AGBL4: variants seen among roughly 807,000 people sequenced by gnomAD.
AGBL4 encodes the protein cytosolic carboxypeptidase 6.
In AGBL4, 58 loss-of-function variants were observed where a neutral mutation model predicts 66.4. The observed-to-expected ratio is 0.87, with a 90% CI of 0.71 to 1.09. The LOEUF is 1.09. Among genes scored for constraint, AGBL4 ranks in the 50% least tolerant of loss-of-function variants. AGBL4 has a pLI of 0.00. For missense variants in AGBL4, 579 were observed against 631.0 expected (o/e 0.92, Z 0.88); for synonymous variants, 234 against 222.9 (o/e 1.05, Z -0.44).
At chr1:48,859,978 A>G (rs1157930727) in intron 6 of AGBL4, among the ~76,000 whole-genome samples, 1 of 152,250 alleles carries the variant, frequency 6.6e-6, no homozygotes, top group African/African-American at 2.4e-5. Context: ...AGAATATTAA[A>G]TAATATTGGA....
rs1200402158 is a variant in AGBL4, at chr1:49,059,583, A to G, written c.378-13783T>C. ...TGAGAAGAGGGCCACCATCCTCCAGACTCCAGAATGGTACATCCACTGACA... is the reference window on the plus strand; with the variant it reads ...TGAGAAGAGGGCCACCATCCTCCAGGCTCCAGAATGGTACATCCACTGACA... On this transcript the variant is annotated intron_variant, in intron 4 of 13. Transcript: ENST00000371839. Among the ~76,000 whole-genome samples the G allele has an allele frequency of 2.0e-5, 3 of 152,092 alleles. No homozygotes were observed. In the East Asian group the frequency reaches 5.8e-4, roughly 29 times the overall value.
At chr1:48,565,680 C>T (rs942860467) in intron 11 of AGBL4, among the ~76,000 whole-genome samples, 1 of 152,210 alleles carries the variant, frequency 6.6e-6, no homozygotes, top group Non-Finnish European at 1.5e-5. Flanking sequence ...TGACCCTCCA[C>T]ATCTACCAGC....
chr1:49,332,277 C>G (rs1235205039), intron 3 of AGBL4, among the ~76,000 whole-genome samples: 2 of 151,986 alleles, frequency 1.3e-5, no homozygotes, highest in African/African-American at 4.8e-5. Flanking sequence ...ATACAACTTA[C>G]CAAAACAGAT....
Position 48,866,218 on chromosome 1 carries a change from G to A in AGBL4, c.634+973C>T, listed in dbSNP as rs1648069462. ...TTTGAAAGTGAGGCACTGGCCCATG[G>A]ATACAGCATGGTAGGCTTTGTGGAG... On this transcript the variant is annotated intron_variant, in intron 6 of 13. Coordinates refer to ENST00000371839, the MANE Select transcript of AGBL4 (RefSeq NM_032785.4). Among the ~76,000 whole-genome samples, 7 of 152,272 alleles carry A rather than the reference G, an allele frequency of 4.6e-5. No individual in the cohort carries two copies. In the South Asian group the frequency reaches 1.2e-3, roughly 27 times the overall value.
At chr1:48,604,360 G>A (rs527991996) in intron 9 of AGBL4, among the ~76,000 whole-genome samples, 187 of 152,192 alleles carry the variant, frequency 1.2e-3, no homozygotes, top group African/African-American at 4.3e-3. Flanking sequence ...TCCTTGGTAC[G>A]TGTTCCCAGT....
intron 3 of AGBL4, among the ~76,000 whole-genome samples, chr1:49,433,232 G>A (rs1285175355): frequency 6.6e-6 from 1 of 152,186 alleles, no homozygotes; most frequent in Non-Finnish European, 1.5e-5. Flanking sequence ...CCCAAAGAGA[G>A]GGTCATCATG....
At chr1:49,918,332 C>G (rs1651799337) in intron 1 of AGBL4, among the ~76,000 whole-genome samples, 1 of 152,086 alleles carries the variant, frequency 6.6e-6, no homozygotes, top group Non-Finnish European at 1.5e-5. Context: ...AAGTGATAGA[C>G]CGCTAGCAAG....
At chr1:48,636,876 A>G (rs576184974) in intron 8 of AGBL4, among the ~76,000 whole-genome samples, 3 of 152,324 alleles carry the variant, frequency 2.0e-5, no homozygotes, top group South Asian at 2.1e-4. Context: ...AGAATGTATA[A>G]GTAAATTAAG....
At chr1:50,010,661 C>T (rs1188208069) in intron 1 of AGBL4, among the ~76,000 whole-genome samples, 1 of 152,100 alleles carries the variant, frequency 6.6e-6, no homozygotes, top group Non-Finnish European at 1.5e-5. Context: ...AGAAACAAAT[C>T]CACACACATA....
chr1:49,050,265 G>GCA (rs148541790), intron 4 of AGBL4, among the ~76,000 whole-genome samples: 5 of 151,754 alleles, frequency 3.3e-5, no homozygotes, highest in South Asian at 2.1e-4. Context: ...TTCTGAGTAA[G>GCA]CACACACACA....
intron 3 of AGBL4, among the ~76,000 whole-genome samples, chr1:49,325,845 C>T (rs990157581): frequency 8.5e-5 from 13 of 152,054 alleles, no homozygotes; most frequent in Non-Finnish European, 1.8e-4. Context: ...TCATTAGATC[C>T]GATCATTTAA....
chr1:48,789,600 C>T (rs760711573), intron 6 of AGBL4, among the ~76,000 whole-genome samples: 2 of 152,024 alleles, frequency 1.3e-5, no homozygotes, highest in Non-Finnish European at 1.5e-5. Context: ...TTTGATAGCA[C>T]TAAATGTGGT....
At chr1:49,918,830 C>T (rs531024622) in intron 1 of AGBL4, among the ~76,000 whole-genome samples, 5 of 152,246 alleles carry the variant, frequency 3.3e-5, no homozygotes, top group African/African-American at 9.6e-5. Flanking sequence ...TGCAAAAATC[C>T]TCAATAAAAT....
intron 2 of AGBL4, among the ~76,000 whole-genome samples, chr1:49,795,896 A>G (rs1276604948): frequency 6.6e-6 from 1 of 152,046 alleles, no homozygotes; most frequent in Non-Finnish European, 1.5e-5. Context: ...AGGATTAAAC[A>G]TAAAAGCAGT....
chr1:49,360,792 A>C (rs1644119939), intron 3 of AGBL4, among the ~76,000 whole-genome samples: 1 of 152,122 alleles, frequency 6.6e-6, no homozygotes, highest in African/African-American at 2.4e-5. Flanking sequence ...ACGAATCCGC[A>C]TGTTATTGTG....
intron 2 of AGBL4, among the ~76,000 whole-genome samples, chr1:49,808,302 T>C (rs1424272626): frequency 1.3e-5 from 2 of 152,162 alleles, no homozygotes; most frequent in Non-Finnish European, 2.9e-5. Flanking sequence ...TTAATTTGGA[T>C]TTCTTGTTTG....
chr1:49,485,432 G>T (rs951831728), intron 3 of AGBL4, among the ~76,000 whole-genome samples: 1 of 123,176 alleles, frequency 8.1e-6, no homozygotes, highest in Non-Finnish European at 1.6e-5. Flanking sequence ...ACTGGAAGGG[G>T]AACATCACAC....
At chr1:48,848,188 C>T (rs934943252) in intron 6 of AGBL4, among the ~76,000 whole-genome samples, 17 of 152,202 alleles carry the variant, frequency 1.1e-4, no homozygotes, top group South Asian at 2.1e-4. Context: ...CTGCAGGCTA[C>T]GGTGAAAACC....
intron 3 of AGBL4, among the ~76,000 whole-genome samples, chr1:49,671,057 G>A (rs1646465570): frequency 6.6e-6 from 1 of 152,140 alleles, no homozygotes; most frequent in Non-Finnish European, 1.5e-5. Flanking sequence ...AACAAAGCTG[G>A]AGGAATCATG....
Sources: gnomAD v4.1 joint callset for allele counts (sites outside exome capture counted in the v4.1 genomes callset) on GRCh38, gnomAD v4.1.1 for gene constraint, MANE v1.5 for transcripts, NCBI Gene and HGNC (gene_info 2026-07-23, HGNC 2026-07-21) for gene names.